Variants in CNTN6 observed in about 807,000 individuals in gnomAD.
CNTN6 encodes the protein contactin 6, also known as contactin-6.
Under a neutral mutation model 122.8 loss-of-function variants are expected in CNTN6, and 137 were observed. That is an observed-to-expected ratio of 1.12 (90% CI 0.97 to 1.29). The LOEUF is 1.29. CNTN6 is among the 50% of genes most tolerant of loss of function. CNTN6 has a pLI of 0.00. For synonymous variants in CNTN6, 570 were observed against 426.0 expected, an observed-to-expected ratio of 1.34 and a Z score of -4.16; for missense variants, 1,634 against 1,223.4, an observed-to-expected ratio of 1.34 and a Z score of -5.01.
intron 4 of CNTN6, among the ~76,000 whole-genome samples, chr3:1,249,580 A>G (rs1019220118): frequency 6.6e-6 from 1 of 152,210 alleles, no homozygotes; most frequent in African/African-American, 2.4e-5. Context: ...AAGAGTCTCC[A>G]TCTATAGACG....
chr3:1,271,345 T>C (rs1251851137), intron 4 of CNTN6, among the ~76,000 whole-genome samples: 2 of 152,076 alleles, frequency 1.3e-5, no homozygotes. Context: ...GAGAGGATTG[T>C]AGTAGGGAAG....
At chr3:1,202,429 A>G (rs1334362467) in intron 2 of CNTN6, among the ~76,000 whole-genome samples, 8 of 151,604 alleles carry the variant, frequency 5.3e-5, no homozygotes, top group Non-Finnish European at 7.4e-5. Context: ...AGTCCCAGCT[A>G]CTCGGGAGGC....
At chr3:1,254,572 T>C (rs191646312) in intron 4 of CNTN6, among the ~76,000 whole-genome samples, 88 of 152,256 alleles carry the variant, frequency 5.8e-4, no homozygotes, top group African/African-American at 1.9e-3. Flanking sequence ...TGTGTGGAAG[T>C]TACAGTGCTG....
At chr3:1,325,010 G>C (rs1167963244) in intron 8 of CNTN6, among the ~76,000 whole-genome samples, 1 of 139,640 alleles carries the variant, frequency 7.2e-6, no homozygotes, top group East Asian at 1.9e-4. Context: ...CTAAATAAAG[G>C]AGAGGGATTA....
At position 1,376,993 on chromosome 3, in the gene CNTN6, G is replaced by C. The variant is rs761897398; in HGVS notation, c.2096-12G>C. 1 of 1,575,328 alleles carries C rather than the reference G, an allele frequency of 6.3e-7. No homozygotes were observed. Among genetic ancestry groups the C allele is most frequent in the Admixed American group, 1.8e-5 (1 of 54,792 alleles). Reference sequence around the variant, plus strand: ...ATAATTGCCATCCCACATTTCTCTTGGTTATTTTTAGTCCCTGTTGTGGCA... The same window carrying C: ...ATAATTGCCATCCCACATTTCTCTTCGTTATTTTTAGTCCCTGTTGTGGCA... On this transcript the variant is annotated splice_polypyrimidine_tract_variant and intron_variant, in intron 16 of 22. Transcript: ENST00000446702.
At chr3:1,198,710 G>A (rs371740112) in intron 2 of CNTN6, among the ~76,000 whole-genome samples, 18 of 142,180 alleles carry the variant, frequency 1.3e-4, no homozygotes, top group African/African-American at 3.0e-4. Flanking sequence ...CAACAAGAAC[G>A]AAACTGTCTC....
At chr3:1,393,647 CATT>C (rs1409497084) in intron 20 of CNTN6, among the ~76,000 whole-genome samples, 1 of 141,292 alleles carries the variant, frequency 7.1e-6, no homozygotes, top group Non-Finnish European at 1.5e-5. Context: ...AAGAAACAAA[CATT>C]AAAAAAAAAA....
chr3:1,351,615 A>C (rs1705649965), intron 11 of CNTN6, among the ~76,000 whole-genome samples: 1 of 151,648 alleles, frequency 6.6e-6, no homozygotes, highest in South Asian at 2.1e-4. Context: ...GTTTCAGAGA[A>C]AATTTAATAT....
At chr3:1,376,765 C>T (rs565741312) in intron 16 of CNTN6, among the ~76,000 whole-genome samples, 3 of 152,106 alleles carry the variant, frequency 2.0e-5, no homozygotes, top group Admixed American at 6.6e-5. Flanking sequence ...GTCAAATACC[C>T]GATGTTACTC....
At chr3:1,385,148 A>G (rs950427007) in intron 19 of CNTN6, among the ~76,000 whole-genome samples, 7 of 151,902 alleles carry the variant, frequency 4.6e-5, no homozygotes, top group South Asian at 2.1e-4. Flanking sequence ...TTTTTTTTCA[A>G]TGTACCTAAA....
chr3:1,250,924 GATCCCT>G (rs1559613329), intron 4 of CNTN6, among the ~76,000 whole-genome samples: 2 of 80,380 alleles, frequency 2.5e-5, no homozygotes, highest in East Asian at 2.1e-3. Flanking sequence ...ATTTCCAGAT[GATCCCT>G]CCTCCCTCAT....
chr3:1,311,386 ATATG>A (rs764194131), intron 7 of CNTN6, among the ~76,000 whole-genome samples: 3 of 98,608 alleles, frequency 3.0e-5, no homozygotes, highest in South Asian at 7.5e-4. Context: ...AAATGTCTTT[ATATG>A]TACATATATG....
chr3:1,306,296 C>CT (rs976618750), intron 7 of CNTN6, among the ~76,000 whole-genome samples: 10 of 151,894 alleles, frequency 6.6e-5, no homozygotes, highest in African/African-American at 1.7e-4. Flanking sequence ...TTATCAATAA[C>CT]TTTTTTTTAA....
intron 4 of CNTN6, among the ~76,000 whole-genome samples, chr3:1,275,191 T>C (rs1272610576): frequency 6.6e-6 from 1 of 152,216 alleles, no homozygotes; most frequent in Admixed American, 6.5e-5. Flanking sequence ...TTTCCTTACT[T>C]GATCATTGAT....
chr3:1,368,579 A>C (rs1041457807), intron 12 of CNTN6, among the ~76,000 whole-genome samples: 2 of 152,174 alleles, frequency 1.3e-5, no homozygotes, highest in Non-Finnish European at 2.9e-5. Context: ...GGAGTGACTG[A>C]TGTCACTGAA....
chr3:1,160,367 T>TATATATATATATATATATATACAC (rs1491110079), intron 2 of CNTN6, among the ~76,000 whole-genome samples: 11 of 112,532 alleles, frequency 9.8e-5, no homozygotes, highest in African/African-American at 3.3e-4. Flanking sequence ...TATATATATA[T>TATATATATATATATATATATACAC]ACACACTACC....
intron 1 of CNTN6, among the ~76,000 whole-genome samples, chr3:1,117,155 T>A (rs2091756004): frequency 6.6e-6 from 1 of 152,188 alleles, no homozygotes; most frequent in East Asian, 1.9e-4. Flanking sequence ...ATTGCCTTTG[T>A]TGTTCTCAGG....
intron 12 of CNTN6, among the ~76,000 whole-genome samples, chr3:1,356,653 G>T (rs1485971104): frequency 6.6e-6 from 1 of 151,734 alleles, no homozygotes; most frequent in African/African-American, 2.4e-5. Flanking sequence ...TTGTCATATC[G>T]TAGTACTTGA....
intron 11 of CNTN6, among the ~76,000 whole-genome samples, chr3:1,338,700 A>G (rs17037976): frequency 0.031 from 4,702 of 152,268 alleles, 122 homozygotes; most frequent in South Asian, 0.054. Flanking sequence ...TATCTTCAAA[A>G]TTTTACATAA....
Sources: allele counts gnomAD v4.1 joint callset (sites outside exome capture counted in the v4.1 genomes callset), GRCh38; gene constraint gnomAD v4.1.1; transcripts MANE v1.5; gene names NCBI Gene and HGNC (gene_info 2026-07-23, HGNC 2026-07-21).